Variants in LPP observed in about 807,000 individuals in gnomAD.
The protein encoded by LPP is LIM domain containing preferred translocation partner in lipoma.
LPP carries 38 observed loss-of-function variants against 60.4 expected under a neutral mutation model. The observed-to-expected ratio is 0.63, with a 90% CI of 0.49 to 0.83. The LOEUF is 0.83. LPP is among the 40% of genes least tolerant of loss of function. LPP has a pLI of 0.00. For missense variants in LPP, 902 were observed against 783.6 expected (o/e 1.15, Z -1.80); for synonymous variants, 328 against 290.8 (o/e 1.13, Z -1.30).
chr3:188,833,543 A>G, intron 9 of LPP, among the ~76,000 whole-genome samples: 1 of 152,206 alleles, frequency 6.6e-6, no homozygotes, highest in Non-Finnish European at 1.5e-5. Flanking sequence ...TAAAGCAATT[A>G]GCATCCCTCT....
intron 7 of LPP, among the ~76,000 whole-genome samples, chr3:188,640,702 A>C (rs1180545953): frequency 2.6e-5 from 4 of 151,966 alleles, no homozygotes; most frequent in Non-Finnish European, 4.4e-5. Flanking sequence ...TTGCCTTACC[A>C]TATAGCTCTT....
At chr3:188,339,572 G>A (rs1242820459) in intron 2 of LPP, among the ~76,000 whole-genome samples, 9 of 152,150 alleles carry the variant, frequency 5.9e-5, no homozygotes, top group Admixed American at 4.6e-4. Context: ...TTCACAGGGC[G>A]GCAGGAAAGA....
chr3:188,678,557 G>A (rs1455497022), intron 7 of LPP, among the ~76,000 whole-genome samples: 2 of 152,206 alleles, frequency 1.3e-5, no homozygotes, highest in Non-Finnish European at 2.9e-5. Context: ...TCAAATGGCA[G>A]GAAGGAGAGT....
At position 188,884,618 on chromosome 3, in the gene LPP, C is replaced by T. The variant is rs748357619; in HGVS notation, c.*10139C>T. On this transcript the variant is annotated 3_prime_UTR_variant, in exon 12 of 12. Transcript: ENST00000617246. ...TCCTTTACATTCCATTCACCAAAAA[C>T]CTCTCTGGAACTGTCAGGTTCAGAA... 4 of 230,362 alleles carry T rather than the reference C, an allele frequency of 1.7e-5. No homozygotes were observed. Among genetic ancestry groups the T allele is most frequent in the Non-Finnish European group, 3.4e-5 (4 of 116,256 alleles). The allele number at this position is 230,362 out of a possible 1,614,324, so 14.3% of individuals were successfully genotyped here.
At chr3:188,481,196 C>T (rs964944591) in intron 4 of LPP, among the ~76,000 whole-genome samples, 1 of 152,170 alleles carries the variant, frequency 6.6e-6, no homozygotes, top group Non-Finnish European at 1.5e-5. Context: ...GTTTATGCCT[C>T]TCTCCAAGGG....
At chr3:188,649,442 T>G (rs906974456) in intron 7 of LPP, among the ~76,000 whole-genome samples, 5 of 152,184 alleles carry the variant, frequency 3.3e-5, no homozygotes, top group African/African-American at 1.2e-4. Flanking sequence ...TCCAGACTAG[T>G]CCTCATCTCA....
intron 8 of LPP, chr3:188,711,985 A>G (rs1711704895): frequency 6.6e-6 from 1 of 152,242 alleles, no homozygotes; most frequent in South Asian, 2.1e-4. Flanking sequence ...ATAACAGGGA[A>G]TAAAACCACT....
Position 188,872,875 on chromosome 3 carries a change from G to A in LPP, c.1710+112G>A, listed in dbSNP as rs2278095. The A allele has an allele frequency of 0.49, 686,231 of 1,392,000 alleles. 171,106 individuals are homozygous for A. Among genetic ancestry groups the A allele is most frequent in the Middle Eastern group, 0.52 (2,080 of 4,020 alleles). The allele number at this position is 1,392,000 out of a possible 1,614,324, so 86.2% of individuals were successfully genotyped here. A position where few individuals can be genotyped will look rare whatever the true frequency, so the allele number is the denominator to read the frequency against. ...AAATCTCAGAACGGCCTTAGTGCCT[G>A]TACTCATAGGACTTGGGTTTTAGAT... is the stretch of plus-strand genomic sequence containing the variant. On this transcript the variant is annotated intron_variant, in intron 11 of 11. Transcript: ENST00000617246.
chr3:188,276,493 T>G (rs1416292214), intron 2 of LPP, among the ~76,000 whole-genome samples: 1 of 152,228 alleles, frequency 6.6e-6, no homozygotes, highest in Non-Finnish European at 1.5e-5. Flanking sequence ...GATATTTGTT[T>G]GGATATTTGT....
intron 9 of LPP, among the ~76,000 whole-genome samples, chr3:188,797,132 C>CTCCTCT (rs1358946551): frequency 6.6e-6 from 1 of 151,998 alleles, no homozygotes; most frequent in East Asian, 1.9e-4. Context: ...CCTCCTCCTC[C>CTCCTCT]TCCTCCTCTT....
intron 7 of LPP, among the ~76,000 whole-genome samples, chr3:188,618,884 AGTT>A (rs1183212384): frequency 2.6e-5 from 4 of 152,116 alleles, no homozygotes; most frequent in African/African-American, 9.7e-5. Flanking sequence ...TAAGTGTGGT[AGTT>A]GTTTTATTTA....
chr3:188,250,784 T>TTCTGTCTG (rs71634070), intron 2 of LPP, among the ~76,000 whole-genome samples: 24 of 116,934 alleles, frequency 2.1e-4, no homozygotes, highest in African/African-American at 4.8e-4. Flanking sequence ...CTTTCTTTCT[T>TTCTGTCTG]TCTGTCTTTC....
At chr3:188,731,185 A>T (rs1478589348) in intron 8 of LPP, among the ~76,000 whole-genome samples, 1 of 152,200 alleles carries the variant, frequency 6.6e-6, no homozygotes, top group East Asian at 1.9e-4. Context: ...TCTAGACATA[A>T]CAATCCTGGT....
chr3:188,521,496 A>G (rs1471394392), intron 5 of LPP, among the ~76,000 whole-genome samples: 1 of 152,212 alleles, frequency 6.6e-6, no homozygotes, highest in Non-Finnish European at 1.5e-5. Flanking sequence ...TAAAGTACAG[A>G]TGTAGAAGAC....
At chr3:188,598,421 C>A (rs1515428) in intron 6 of LPP, among the ~76,000 whole-genome samples, 1 of 152,008 alleles carries the variant, frequency 6.6e-6, no homozygotes, top group Admixed American at 6.6e-5. Flanking sequence ...TCATAGTGGA[C>A]TGGACTAGGG....
chr3:188,293,573 GAATT>G (rs1270464693), intron 2 of LPP, among the ~76,000 whole-genome samples: 2 of 152,190 alleles, frequency 1.3e-5, no homozygotes, highest in African/African-American at 2.4e-5. Flanking sequence ...GTCAAACTGA[GAATT>G]AATATCTATC....
At position 188,447,063 on chromosome 3, in the gene LPP, C is replaced by T. The variant is rs182627477; in HGVS notation, c.194-37529C>T. Among the ~76,000 whole-genome samples, 16 of 152,280 alleles carry T rather than the reference C, an allele frequency of 1.1e-4. No homozygotes were observed. In the East Asian group the frequency reaches 2.5e-3, roughly 24 times the overall value. ...GTGATTTGTGGCCTGTGTGGTCTAA[C>T]TCTGATTCCTTTGGATACAGAACCT... On this transcript the variant is annotated intron_variant, in intron 4 of 11. Coordinates refer to ENST00000617246, the MANE Select transcript of LPP (RefSeq NM_001375462.1).
intron 7 of LPP, among the ~76,000 whole-genome samples, chr3:188,612,438 G>A (rs941469428): frequency 1.8e-4 from 28 of 152,080 alleles, no homozygotes; most frequent in African/African-American, 6.3e-4. Context: ...ATGTGACTAC[G>A]GGCATGAGAA....
chr3:188,336,746 A>G (rs567972657), intron 2 of LPP, among the ~76,000 whole-genome samples: 112 of 152,228 alleles, frequency 7.4e-4, no homozygotes, highest in African/African-American at 2.6e-3. Context: ...ACAGCGTATT[A>G]GAGTTGTTTT....
Sources: gnomAD v4.1 joint callset for allele counts (sites outside exome capture counted in the v4.1 genomes callset) on GRCh38, gnomAD v4.1.1 for gene constraint, MANE v1.5 for transcripts, NCBI Gene and HGNC (gene_info 2026-07-23, HGNC 2026-07-21) for gene names.